SIPA1L2: variants seen among roughly 807,000 people sequenced by gnomAD.
SIPA1L2 encodes the protein signal induced proliferation associated 1 like 2, also known as signal-induced proliferation-associated 1-like protein 2.
Under a neutral mutation model 163.9 loss-of-function variants are expected in SIPA1L2, and 56 were observed. The observed-to-expected ratio is 0.34, with a 90% CI of 0.28 to 0.43. The LOEUF (loss-of-function observed/expected upper bound fraction) is 0.43, where lower values mean the gene tolerates loss of function less well. Ranked by LOEUF, SIPA1L2 falls within the 20% of genes least tolerant of loss-of-function variation. The pLI is 1.00. For synonymous variants in SIPA1L2, 877 were observed against 865.7 expected, an observed-to-expected ratio of 1.01 and a Z score of -0.23; for missense variants, 1,974 against 2,193.5, an observed-to-expected ratio of 0.90 and a Z score of 2.00.
chr1:232,611,345 C>T (rs1184835876), intron 1 of SIPA1L2, among the ~76,000 whole-genome samples: 1 of 152,082 alleles, frequency 6.6e-6, no homozygotes, highest in Non-Finnish European at 1.5e-5. Context: ...AATGTGGGAG[C>T]GACTTTGCTG....
rs1662290260 is a variant in SIPA1L2 at position 232,432,313 on chromosome 1, A to G, written c.4190T>C (p.Val1397Ala). The G allele has an allele frequency of 1.2e-6, 2 of 1,614,156 alleles. No homozygotes were observed. Among genetic ancestry groups the G allele is most frequent in the Non-Finnish European group, 1.7e-6 (2 of 1,180,026 alleles). Residue 1397 changes from valine (V) to alanine (A), a missense_variant, in exon 16 of 23, where the codon GTC becomes GCC. Coordinates refer to ENST00000674635, the MANE Select transcript of SIPA1L2 (RefSeq NM_020808.5). The stretch of plus-strand genomic sequence containing the variant: ...GCCCTCCGATTTCTTCCAGCCGATG[A>G]CATATTTGTTCACTGCCCCTTGTCT... ...YHRQGAVNKYVIGWKKSEGSP... is the reference protein window; with the variant it reads ...YHRQGAVNKYAIGWKKSEGSP...
chr1:232,508,129 G>A (rs927235120), intron 3 of SIPA1L2, among the ~76,000 whole-genome samples: 1 of 152,004 alleles, frequency 6.6e-6, no homozygotes, highest in Non-Finnish European at 1.5e-5. Flanking sequence ...AGAGGAACAC[G>A]CGCTCCTGTG....
intron 16 of SIPA1L2, among the ~76,000 whole-genome samples, chr1:232,431,112 C>G (rs900468609): frequency 1.3e-5 from 2 of 152,186 alleles, no homozygotes; most frequent in African/African-American, 4.8e-5. Flanking sequence ...TTCGCCTAAA[C>G]ATAGTACTAC....
At chr1:232,520,679 GT>G (rs1172344360) in intron 2 of SIPA1L2, among the ~76,000 whole-genome samples, 1 of 151,384 alleles carries the variant, frequency 6.6e-6, no homozygotes, top group Admixed American at 6.6e-5. Flanking sequence ...TATAACTATA[GT>G]AAAAAAAATG....
intron 1 of SIPA1L2, among the ~76,000 whole-genome samples, chr1:232,603,904 T>TA (rs1661747059): frequency 6.6e-6 from 1 of 152,036 alleles, no homozygotes; most frequent in Non-Finnish European, 1.5e-5. Context: ...AGTAAAAGGG[T>TA]ACCCAGCAGA....
At chr1:232,630,201 T>G (rs1404181305), upstream of SIPA1L2, among the ~76,000 whole-genome samples, 2 of 151,378 alleles carry the variant, frequency 1.3e-5, no homozygotes, top group African/African-American at 2.4e-5. Context: ...CTCTGCGGGC[T>G]CCCATTGGTC....
chr1:232,433,275 G>A (rs1257574397), intron 15 of SIPA1L2, among the ~76,000 whole-genome samples: 1 of 152,170 alleles, frequency 6.6e-6, no homozygotes, highest in African/African-American at 2.4e-5. Flanking sequence ...TAGAGAAGAA[G>A]CAAGTCACAA....
intron 8 of SIPA1L2, among the ~76,000 whole-genome samples, chr1:232,468,549 GGAT>G (rs1160306242): frequency 3.9e-5 from 6 of 152,114 alleles, no homozygotes; most frequent in African/African-American, 1.4e-4. Flanking sequence ...CCCATTGTAA[GGAT>G]GATAGAAAAT....
intron 2 of SIPA1L2, among the ~76,000 whole-genome samples, chr1:232,523,218 T>C (rs1354269272): frequency 1.3e-5 from 2 of 152,224 alleles, no homozygotes; most frequent in East Asian, 1.9e-4. Flanking sequence ...AAAAATAGAA[T>C]AAACAAAGGG....
intron 4 of SIPA1L2, among the ~76,000 whole-genome samples, chr1:232,493,240 C>T (rs752003101): frequency 9.9e-5 from 15 of 152,154 alleles, no homozygotes; most frequent in Middle Eastern, 3.4e-3. Context: ...GTTAAGCCTG[C>T]GGAACTGTGA....
At chr1:232,626,668 CAAGGTAAACCA>C (rs1361251696) in intron 1 of SIPA1L2, among the ~76,000 whole-genome samples, 1 of 152,166 alleles carries the variant, frequency 6.6e-6, no homozygotes, top group African/African-American at 2.4e-5. Context: ...TCATTGATTT[CAAGGTAAACCA>C]AGTAGCTATG....
chr1:232,576,140 C>T (rs1409935954), intron 1 of SIPA1L2, among the ~76,000 whole-genome samples: 2 of 152,172 alleles, frequency 1.3e-5, no homozygotes, highest in African/African-American at 4.8e-5. Context: ...CGTCTAGTAC[C>T]GTCAGGGACT....
chr1:232,585,779 A>G (rs535800397), intron 1 of SIPA1L2, among the ~76,000 whole-genome samples: 3 of 152,338 alleles, frequency 2.0e-5, no homozygotes, highest in African/African-American at 4.8e-5. Context: ...CTGATACTGA[A>G]CATGCAAATC....
intron 5 of SIPA1L2, among the ~76,000 whole-genome samples, chr1:232,489,559 T>C (rs1458728879): frequency 6.6e-6 from 1 of 152,048 alleles, no homozygotes; most frequent in Non-Finnish European, 1.5e-5. Context: ...TCATTCTGAG[T>C]GTTACAATAT....
At chr1:232,411,983 A>T (rs2102768007) in intron 19 of SIPA1L2, among the ~76,000 whole-genome samples, 1 of 152,326 alleles carries the variant, frequency 6.6e-6, no homozygotes, top group East Asian at 1.9e-4. Flanking sequence ...GAGCTTACTG[A>T]GTCCTTATGC....
At chr1:232,516,293 G>T (rs1031728869) in intron 2 of SIPA1L2, among the ~76,000 whole-genome samples, 1 of 152,182 alleles carries the variant, frequency 6.6e-6, no homozygotes, top group South Asian at 2.1e-4. Context: ...CAAATACATT[G>T]CAGTAGTGAG....
At chr1:232,601,665 C>T (rs1661599973) in intron 1 of SIPA1L2, among the ~76,000 whole-genome samples, 1 of 152,148 alleles carries the variant, frequency 6.6e-6, no homozygotes, top group Non-Finnish European at 1.5e-5. Context: ...GGCATAGATG[C>T]TCTTAAATGT....
intron 5 of SIPA1L2, among the ~76,000 whole-genome samples, chr1:232,485,413 T>C (rs935316335): frequency 5.3e-5 from 8 of 152,184 alleles, no homozygotes; most frequent in African/African-American, 1.4e-4. Context: ...ACTACTTTAG[T>C]AGGGTCAAGA....
At chr1:232,570,593 T>C (rs975808913) in intron 2 of SIPA1L2, among the ~76,000 whole-genome samples, 1 of 152,194 alleles carries the variant, frequency 6.6e-6, no homozygotes, top group Non-Finnish European at 1.5e-5. Context: ...TTGTAACCCA[T>C]GTTAAAACAG....
Sources: allele counts gnomAD v4.1 joint callset (sites outside exome capture counted in the v4.1 genomes callset), GRCh38; gene constraint gnomAD v4.1.1; transcripts MANE v1.5; gene names NCBI Gene and HGNC (gene_info 2026-07-23, HGNC 2026-07-21).